BACH2: variants seen among roughly 807,000 people sequenced by gnomAD.
The protein encoded by BACH2 is transcription regulator protein BACH2.
In BACH2, 5 loss-of-function variants were observed where a neutral mutation model predicts 61.8. The observed-to-expected ratio is 0.08, with a 90% CI of 0.04 to 0.17. The LOEUF is 0.17. Ranked by LOEUF, BACH2 falls within the 10% of genes least tolerant of loss-of-function variation. The pLI, the probability that BACH2 is intolerant of heterozygous loss-of-function variation, is 1.00. For missense variants in BACH2, 824 were observed against 1,091.1 expected, an observed-to-expected ratio of 0.76 and a Z score of 3.45; for synonymous variants, 446 against 440.1, an observed-to-expected ratio of 1.01 and a Z score of -0.17.
intron 8 of BACH2, among the ~76,000 whole-genome samples, 176 bp downstream of exon 8, chr6:89,937,968 C>T (rs539458773): frequency 5.8e-4 from 88 of 152,206 alleles, no homozygotes; most frequent in Non-Finnish European, 1.1e-3. Context: ...CACAAACACA[C>T]ACACACACAC....
chr6:90,230,374 T>A lies in BACH2; in HGVS notation c.-275+22139A>T, dbSNP rs1178741412. Among the ~76,000 whole-genome samples, 7 of 152,230 alleles carry A rather than the reference T, an allele frequency of 4.6e-5. No individual in the cohort carries two copies. The East Asian group carries it at 1.3e-3, about 29-fold the overall frequency. ...CACATGCATCATACCTATACATGTG[T>A]ACATGTGAATATGTCCTAAGGATTA... On this transcript the variant is annotated intron_variant, in intron 3 of 8. Transcript: ENST00000257749.
At chr6:90,054,408 G>A (rs775240451) in intron 5 of BACH2, among the ~76,000 whole-genome samples, 1 of 152,174 alleles carries the variant, frequency 6.6e-6, no homozygotes, top group South Asian at 2.1e-4. Context: ...AGGCGGCAGC[G>A]AGGCTGGGGG....
intron 4 of BACH2, among the ~76,000 whole-genome samples, chr6:90,159,927 T>G (rs1785132158): frequency 6.6e-6 from 1 of 152,198 alleles, no homozygotes; most frequent in Non-Finnish European, 1.5e-5. Flanking sequence ...AACATTGGTT[T>G]TTGGTAAGTG....
chr6:90,030,202 G>T (rs1288932930), intron 5 of BACH2, among the ~76,000 whole-genome samples: 1 of 152,080 alleles, frequency 6.6e-6, no homozygotes, highest in Non-Finnish European at 1.5e-5. Flanking sequence ...GCCAAACAGA[G>T]GACCAATTAT....
At chr6:90,055,321 C>T (rs1421432467) in intron 5 of BACH2, among the ~76,000 whole-genome samples, 2 of 152,010 alleles carry the variant, frequency 1.3e-5, no homozygotes, top group Admixed American at 6.6e-5. Flanking sequence ...AGCTACATGT[C>T]GAATGCAGAA....
chr6:90,277,642 T>C (rs976291110), intron 1 of BACH2, among the ~76,000 whole-genome samples: 3 of 152,216 alleles, frequency 2.0e-5, no homozygotes, highest in Admixed American at 6.5e-5. Flanking sequence ...ATATTATCAT[T>C]CAATTAAAAA....
At chr6:90,143,216 A>G (rs936539182) in intron 4 of BACH2, among the ~76,000 whole-genome samples, 2 of 152,184 alleles carry the variant, frequency 1.3e-5, no homozygotes, top group African/African-American at 4.8e-5. Flanking sequence ...TACTCCCCAT[A>G]AAGTCTTGGC....
intron 6 of BACH2, among the ~76,000 whole-genome samples, chr6:89,989,060 A>T (rs1395972277): frequency 6.6e-6 from 1 of 152,184 alleles, no homozygotes; most frequent in Non-Finnish European, 1.5e-5. Flanking sequence ...TTGACCTCTC[A>T]TGGCCCCTGA....
At chr6:90,069,388 G>A (rs1373405159) in intron 5 of BACH2, among the ~76,000 whole-genome samples, 1 of 152,186 alleles carries the variant, frequency 6.6e-6, no homozygotes, top group Non-Finnish European at 1.5e-5. Context: ...ATGTGAACAA[G>A]AGAATCAAAT....
chr6:90,101,943 C>T (rs1238414034), intron 4 of BACH2, among the ~76,000 whole-genome samples: 2 of 152,026 alleles, frequency 1.3e-5, no homozygotes, highest in Admixed American at 1.3e-4. Context: ...TTTGTAATTT[C>T]ATTTTTCTTG....
chr6:90,273,233 C>T (rs951802132), intron 1 of BACH2, among the ~76,000 whole-genome samples: 4 of 152,118 alleles, frequency 2.6e-5, no homozygotes, highest in Non-Finnish European at 5.9e-5. Context: ...TGGCACACAC[C>T]TGTAGTCCTG....
chr6:90,189,944 C>CT (rs933406639), intron 4 of BACH2, among the ~76,000 whole-genome samples: 39 of 150,154 alleles, frequency 2.6e-4, no homozygotes, highest in African/African-American at 9.2e-4. Context: ...TCTATTAACT[C>CT]TGAGCATTTT....
At chr6:90,199,437 C>T (rs991476743) in intron 4 of BACH2, among the ~76,000 whole-genome samples, 1 of 152,160 alleles carries the variant, frequency 6.6e-6, no homozygotes, top group African/African-American at 2.4e-5. Flanking sequence ...TATGCATGCA[C>T]GCATTTTAAA....
rs561960846 is a variant in BACH2 at position 90,037,194 on chromosome 6, C to T, written c.-12-28338G>A. Among the ~76,000 whole-genome samples, 8 of 152,300 alleles carry T rather than the reference C, an allele frequency of 5.3e-5. No individual in the cohort carries two copies. In the South Asian group the frequency reaches 1.7e-3, roughly 32 times the overall value. On this transcript the variant is annotated intron_variant, in intron 5 of 8. Transcript: ENST00000257749. ...TGTTACTCATTTGGAAACTTGCTGACTCTTCAATAGTAAATTAAAATCCAT... is the reference window on the plus strand; with the variant it reads ...TGTTACTCATTTGGAAACTTGCTGATTCTTCAATAGTAAATTAAAATCCAT...
chr6:90,141,910 G>A (rs1259323175), intron 4 of BACH2, among the ~76,000 whole-genome samples: 1 of 152,162 alleles, frequency 6.6e-6, no homozygotes, highest in African/African-American at 2.4e-5. Context: ...GCAAAACCCT[G>A]TCTCTATTAA....
chr6:90,087,529 A>G (rs1781986958), intron 5 of BACH2, among the ~76,000 whole-genome samples: 1 of 152,168 alleles, frequency 6.6e-6, no homozygotes, highest in African/African-American at 2.4e-5. Context: ...TGTTTAGTCA[A>G]ACTCTTCTAC....
intron 4 of BACH2, among the ~76,000 whole-genome samples, chr6:90,185,848 A>G (rs1428953003): frequency 6.6e-6 from 1 of 152,246 alleles, no homozygotes; most frequent in Non-Finnish European, 1.5e-5. Flanking sequence ...GTCTGGCTCA[A>G]TTAAAAATGT....
chr6:90,214,024 C>T (rs989846251), intron 3 of BACH2, among the ~76,000 whole-genome samples: 1 of 152,122 alleles, frequency 6.6e-6, no homozygotes, highest in South Asian at 2.1e-4. Flanking sequence ...TATTTGGGTA[C>T]TACTGGTGAC....
At chr6:90,285,468 C>T (rs1771991813) in intron 1 of BACH2, among the ~76,000 whole-genome samples, 2 of 152,190 alleles carry the variant, frequency 1.3e-5, no homozygotes, top group Middle Eastern at 3.2e-3. Flanking sequence ...TAGGAAATAA[C>T]AGCACATTCC....
Sources: gnomAD v4.1 joint callset for allele counts (sites outside exome capture counted in the v4.1 genomes callset) on GRCh38, gnomAD v4.1.1 for gene constraint, MANE v1.5 for transcripts, NCBI Gene and HGNC (gene_info 2026-07-23, HGNC 2026-07-21) for gene names.